Variants in PFKFB3 observed in about 807,000 individuals in gnomAD.
The protein encoded by PFKFB3 is 6-phosphofructo-2-kinase/fructose-2,6-bisphosphatase 3.
PFKFB3 carries 33 observed loss-of-function variants against 68.0 expected under a neutral mutation model. The ratio of observed to expected loss-of-function variants is 0.49; its 90% CI spans 0.37 to 0.65. PFKFB3 has a LOEUF of 0.65. PFKFB3 is among the 30% of genes least tolerant of loss of function. PFKFB3 has a pLI of 0.00. For synonymous variants in PFKFB3, 315 were observed against 288.2 expected, an observed-to-expected ratio of 1.09 and a Z score of -0.94; for missense variants, 586 against 712.2, an observed-to-expected ratio of 0.82 and a Z score of 2.02.
rs147624247 is a variant in PFKFB3, at chr10:6,249,817, T to C, written c.1516-4361T>C. Among the ~76,000 whole-genome samples, 585 of 152,232 alleles carry C rather than the reference T, an allele frequency of 3.8e-3. 4 individuals carry two copies. The highest frequency in any genetic ancestry group is 0.013 in the African/African-American group (560 of 41,530). On this transcript the variant is annotated intron_variant, in intron 14 of 14. Transcript: ENST00000640683. ...ATAATAATGTACATTTCAAAATTGC[T>C]AAGGGAGTAAATTTTAAATATTCTC...
At chr10:6,290,499 A>ATTT in the PFKFB3 span, among the ~76,000 whole-genome samples, 11 of 135,898 alleles carry the variant, frequency 8.1e-5, no homozygotes, top group South Asian at 2.3e-4. Context: ...TTTGTCTTTG[A>ATTT]TTTTTTTTTT....
the PFKFB3 span, among the ~76,000 whole-genome samples, chr10:6,308,628 G>A: frequency 6.7e-6 from 1 of 150,010 alleles, no homozygotes; most frequent in South Asian, 2.1e-4. Context: ...AAAAACAGGC[G>A]CTAAAGGCAT....
rs1161142343 is a variant in PFKFB3 at position 6,229,133 on chromosome 10, T to G, written c.1515+2768T>G. On this transcript the variant is annotated intron_variant, in intron 14 of 14. Transcript: ENST00000379775. This position sits in a 1 kb window ranked among gnomAD's most constrained non-coding sequence, Gnocchi z 4.3. ...GAAACTGGAAAGGTGTGATGAGGAA[T>G]GCAGCCTGAGATGCTGAAAAGAATG... 5.8e-6 allele frequency: 3 copies of G among 517,510 alleles called. No homozygotes were observed. The highest frequency in any genetic ancestry group is 1.1e-4 in the East Asian group (2 of 17,520). The allele number at this position is 517,510 out of a possible 1,614,324, so 32.1% of individuals were successfully genotyped here.
intron 13 of PFKFB3, among the ~76,000 whole-genome samples, chr10:6,225,478 C>T (rs1214600807): frequency 6.6e-6 from 1 of 152,186 alleles, no homozygotes; most frequent in Non-Finnish European, 1.5e-5. Flanking sequence ...ACTGCCCCCG[C>T]TATGGGATTG....
chr10:6,276,162 G>A, the PFKFB3 span, among the ~76,000 whole-genome samples: 213 of 152,256 alleles, frequency 1.4e-3, 1 homozygote, highest in African/African-American at 4.8e-3. Context: ...TCAGCCAAAT[G>A]CTATCTTTAT....
chr10:6,301,288 A>G, the PFKFB3 span, among the ~76,000 whole-genome samples: 1 of 152,198 alleles, frequency 6.6e-6, no homozygotes, highest in Non-Finnish European at 1.5e-5. Context: ...ACTAACCTTT[A>G]TACCTAGTAC....
chr10:6,273,075 CAGCTCACG>C, the PFKFB3 span, among the ~76,000 whole-genome samples: 1 of 130,842 alleles, frequency 7.6e-6, no homozygotes, highest in Admixed American at 9.3e-5. Flanking sequence ...GGCATGATTT[CAGCTCACG>C]ACAACCTCTG....
the PFKFB3 span, among the ~76,000 whole-genome samples, chr10:6,280,095 T>A: frequency 6.6e-6 from 1 of 152,230 alleles, no homozygotes; most frequent in Non-Finnish European, 1.5e-5. Flanking sequence ...TTTGCTCAGC[T>A]GCCCCTTCTA....
At chr10:6,183,614 A>AAAAAAT (rs1242752213) in intron 1 of PFKFB3, among the ~76,000 whole-genome samples, 3 of 93,944 alleles carry the variant, frequency 3.2e-5, no homozygotes, top group African/African-American at 1.0e-4. Flanking sequence ...AAAAAAAAAA[A>AAAAAAT]ATATATATAT....
the PFKFB3 span, among the ~76,000 whole-genome samples, chr10:6,303,428 A>C: frequency 6.6e-6 from 1 of 152,208 alleles, no homozygotes. Flanking sequence ...TCATATTACA[A>C]TTTTTATTAG....
At chr10:6,241,425 C>T (rs747373775) in intron 14 of PFKFB3, among the ~76,000 whole-genome samples, 8 of 152,156 alleles carry the variant, frequency 5.3e-5, no homozygotes, top group Non-Finnish European at 1.2e-4. Context: ...TTTTCCCCTT[C>T]AACTTTCAAT....
chr10:6,314,463 T>G, the PFKFB3 span, among the ~76,000 whole-genome samples: 3 of 152,308 alleles, frequency 2.0e-5, no homozygotes, highest in East Asian at 5.8e-4. Context: ...ATAATACACA[T>G]TCTGTTTTGT....
chr10:6,164,881 AG>A (rs2131725323), intron 1 of PFKFB3, among the ~76,000 whole-genome samples: 1 of 152,248 alleles, frequency 6.6e-6, no homozygotes, highest in African/African-American at 2.4e-5. Flanking sequence ...CTACAGCCAC[AG>A]GGCGGTTTTC....
intron 14 of PFKFB3, among the ~76,000 whole-genome samples, chr10:6,250,348 G>C (rs1459720664): frequency 6.6e-6 from 1 of 152,032 alleles, no homozygotes; most frequent in Non-Finnish European, 1.5e-5. Flanking sequence ...GGCAGATCAC[G>C]AGATCAGGCA....
At chr10:6,158,673 C>T (rs936336632) in intron 1 of PFKFB3, among the ~76,000 whole-genome samples, 2 of 152,100 alleles carry the variant, frequency 1.3e-5, no homozygotes, top group African/African-American at 4.8e-5. Context: ...CAAGACCAGC[C>T]TGGTCGACAT....
At chr10:6,290,119 G>T in the PFKFB3 span, among the ~76,000 whole-genome samples, 3 of 151,742 alleles carry the variant, frequency 2.0e-5, no homozygotes, top group South Asian at 2.1e-4. Context: ...GACAGTGGGG[G>T]TTTCTAGATA....
downstream of PFKFB3, among the ~76,000 whole-genome samples, chr10:6,257,652 G>A (rs1044579152): frequency 1.3e-5 from 2 of 152,164 alleles, no homozygotes; most frequent in African/African-American, 4.8e-5. Context: ...ATGGTGGCAT[G>A]TCCTGTGCCA....
the PFKFB3 span, among the ~76,000 whole-genome samples, chr10:6,281,059 G>A: frequency 8.0e-5 from 12 of 150,228 alleles, no homozygotes; most frequent in African/African-American, 2.7e-4. Context: ...GCGATGTTTG[G>A]TTTTCCATTC....
upstream of PFKFB3, chr10:6,202,392 G>C (rs891251697): frequency 1.0e-4 from 16 of 152,506 alleles, no homozygotes; most frequent in Admixed American, 8.5e-4. Context: ...CGTGGCGGGG[G>C]ATGGGCTCAC....
Sources: allele counts gnomAD v4.1 joint callset (sites outside exome capture counted in the v4.1 genomes callset), GRCh38; gene constraint gnomAD v4.1.1; non-coding constraint Gnocchi (gnomAD v3.1); transcripts MANE v1.5; gene names NCBI Gene and HGNC (gene_info 2026-07-23, HGNC 2026-07-21).